Variants in KLF16 observed in about 807,000 individuals in gnomAD.
KLF16 encodes KLF transcription factor 16.
Under a neutral mutation model 6.1 loss-of-function variants are expected in KLF16, and 6 were observed. The observed-to-expected ratio is 0.98, with a 90% CI of 0.54 to 1.93. KLF16 has a LOEUF of 1.93. KLF16 is among the 30% of genes most tolerant of loss of function. The pLI, the probability that KLF16 is intolerant of heterozygous loss-of-function variation, is 0.01. For missense variants in KLF16, 355 were observed against 363.8 expected, an observed-to-expected ratio of 0.98 and a Z score of 0.20; for synonymous variants, 211 against 176.5, an observed-to-expected ratio of 1.20 and a Z score of -1.55.
In KLF16 at chr19:1,857,342, G is replaced by A. The variant is rs1175654095; in HGVS notation, c.458-2582C>T. Among the ~76,000 whole-genome samples, 2 of 152,254 alleles carry A rather than the reference G, an allele frequency of 1.3e-5. No homozygotes were observed. Among genetic ancestry groups the A allele is most frequent in the Admixed American group, 1.3e-4 (2 of 15,288 alleles). ...TGCTCCTAGCCAGCCGGGCCCCCAGGTGCACAGCCACCCAGCTGCTCCGCG... is the reference window on the plus strand; with the variant it reads ...TGCTCCTAGCCAGCCGGGCCCCCAGATGCACAGCCACCCAGCTGCTCCGCG... On this transcript the variant is annotated intron_variant, in intron 1 of 1. Coordinates refer to ENST00000250916, the MANE Select transcript of KLF16 (RefSeq NM_031918.4). The surrounding 1 kb of genome is among the most constrained non-coding windows in gnomAD (Gnocchi z 4.7).
chr19:1,866,116 C>T (rs12974458), upstream of KLF16, among the ~76,000 whole-genome samples: 59,799 of 151,490 alleles, frequency 0.39, 13,931 homozygotes, highest in Non-Finnish European at 0.54. Context: ...CTAGCCTGGC[C>T]AATGTGGTGA....
At position 1,854,127 on chromosome 19, in the gene KLF16, A is replaced by C. The variant is rs1599190623; in HGVS notation, c.*332T>G. The C allele has an allele frequency of 3.6e-6, 1 of 276,284 alleles. No individual in the cohort carries two copies. The highest frequency in any genetic ancestry group is 6.7e-6 in the Non-Finnish European group (1 of 149,302). 17.1% of individuals were successfully genotyped at this position (276,284 alleles called of 1,614,324 possible). A position where few individuals can be genotyped will look rare whatever the true frequency, so the allele number is the denominator to read the frequency against. On this transcript the variant is annotated 3_prime_UTR_variant, in exon 2 of 2. Coordinates refer to ENST00000250916, the MANE Select transcript of KLF16 (RefSeq NM_031918.4). ...CCAGAAGTCCACTCCACCCCCCCAAACCCCACCCCGGGAGGGGGGCAGCAG... is the reference window on the plus strand; with the variant it reads ...CCAGAAGTCCACTCCACCCCCCCAACCCCCACCCCGGGAGGGGGGCAGCAG...
chr19:1,854,887 T>A, intron 1 of KLF16, 127 bp from the exon 2 acceptor site: 1 of 1,001,252 alleles, frequency 1.0e-6, no homozygotes, highest in Non-Finnish European at 1.5e-6. Flanking sequence ...AGCTCTGGTG[T>A]GAGTTCAAAA....
intron 1 of KLF16, among the ~76,000 whole-genome samples, chr19:1,862,553 G>A (rs1169111788): frequency 9.2e-5 from 14 of 152,004 alleles, no homozygotes; most frequent in Non-Finnish European, 2.1e-4. Flanking sequence ...CAGGTGCTCT[G>A]CCGACCTCTG....
chr19:1,869,431 G>A, the KLF16 span, among the ~76,000 whole-genome samples: 1 of 152,096 alleles, frequency 6.6e-6, no homozygotes, highest in Non-Finnish European at 1.5e-5. Context: ...AGTGAACCAA[G>A]ATCACACCAC....
At chr19:1,870,995 C>CA in the KLF16 span, among the ~76,000 whole-genome samples, 25 of 151,040 alleles carry the variant, frequency 1.7e-4, no homozygotes, top group East Asian at 7.7e-4. Flanking sequence ...GACTCTGTCT[C>CA]AAAAAAAAGA....
chr19:1,876,377 GCCA>G, the KLF16 span, among the ~76,000 whole-genome samples: 1 of 152,242 alleles, frequency 6.6e-6, no homozygotes, highest in East Asian at 1.9e-4. Context: ...TGGACAACAG[GCCA>G]CCGGTTCCCG....
rs568494545 is a variant in KLF16 at position 1,859,225 on chromosome 19, G to C, written c.457+3816C>G. Among the ~76,000 whole-genome samples, 5 of 152,182 alleles carry C rather than the reference G, an allele frequency of 3.3e-5. No homozygotes were observed. The East Asian group carries it at 9.7e-4, about 29-fold the overall frequency. On this transcript the variant is annotated intron_variant, in intron 1 of 1. Coordinates refer to ENST00000250916, the MANE Select transcript of KLF16 (RefSeq NM_031918.4). ...CTGGGGGTGGAGGAGAGAATGAAGT[G>C]GGGCATGGCTGCTTCCCCCTCTGGG...
chr19:1,864,007 C>A (rs2012136407), upstream of KLF16, among the ~76,000 whole-genome samples: 1 of 145,060 alleles, frequency 6.9e-6, no homozygotes, highest in Non-Finnish European at 1.5e-5. Context: ...AGGCCGAGGA[C>A]CCCGCCCCCT....
At chr19:1,864,216 C>T (rs1227337535), upstream of KLF16, among the ~76,000 whole-genome samples, 4 of 151,710 alleles carry the variant, frequency 2.6e-5, no homozygotes, top group Non-Finnish European at 4.4e-5. Context: ...GGCTCCGATC[C>T]CCACGTGGCC....
chr19:1,856,127 G>A (rs566353623), intron 1 of KLF16, among the ~76,000 whole-genome samples: 3 of 152,152 alleles, frequency 2.0e-5, no homozygotes, highest in Non-Finnish European at 2.9e-5. Flanking sequence ...ATGAAGAACT[G>A]CAGCCAGCCA....
the KLF16 span, among the ~76,000 whole-genome samples, chr19:1,874,705 C>T: frequency 1.7e-5 from 2 of 117,496 alleles, no homozygotes; most frequent in East Asian, 5.3e-4. Flanking sequence ...ACTTCCGGGT[C>T]AGCCGAGAAA....
At chr19:1,863,770 A>G (rs1356241987), upstream of KLF16, among the ~76,000 whole-genome samples, 24 of 109,966 alleles carry the variant, frequency 2.2e-4, no homozygotes, top group African/African-American at 7.5e-4. Flanking sequence ...GCCCTCCACC[A>G]CTCTCCGAGC....
At chr19:1,860,512 C>G (rs1418072412) in intron 1 of KLF16, 1 of 152,254 alleles carries the variant, frequency 6.6e-6, no homozygotes, top group African/African-American at 2.4e-5. Flanking sequence ...GACTGGTGTT[C>G]CCTTTACAGA....
chr19:1,870,028 G>A, the KLF16 span, among the ~76,000 whole-genome samples: 1 of 149,104 alleles, frequency 6.7e-6, no homozygotes, highest in Non-Finnish European at 1.5e-5. Context: ...TGACTCTCTG[G>A]TTCAAGTGAT....
chr19:1,872,711 GGAGACGCC>G, the KLF16 span, among the ~76,000 whole-genome samples: 1 of 152,050 alleles, frequency 6.6e-6, no homozygotes, highest in African/African-American at 2.4e-5. Flanking sequence ...GTCGTGGCTG[GGAGACGCC>G]GAGTGCCGAG....
rs2011978210 is a variant in KLF16 at position 1,857,475 on chromosome 19, C to G, written c.458-2715G>C. ...CTTGACCCTCTGACTCAGGCTGGGCCCGGGTGAGCTCAGGACAGCCTCGGA... is the reference window on the plus strand; with the variant it reads ...CTTGACCCTCTGACTCAGGCTGGGCGCGGGTGAGCTCAGGACAGCCTCGGA... On this transcript the variant is annotated intron_variant, in intron 1 of 1. Coordinates refer to ENST00000250916, the MANE Select transcript of KLF16 (RefSeq NM_031918.4). The surrounding 1 kb of genome is among the most constrained non-coding windows in gnomAD (Gnocchi z 4.7). 6.6e-6 allele frequency among the ~76,000 whole-genome samples: 1 copy of G among 152,170 alleles called. No homozygotes were observed. The highest frequency in any genetic ancestry group is 1.5e-5 in the Non-Finnish European group (1 of 68,010).
At chr19:1,867,020 T>G (rs1464280000), upstream of KLF16, among the ~76,000 whole-genome samples, 1 of 152,234 alleles carries the variant, frequency 6.6e-6, no homozygotes, top group East Asian at 1.9e-4. Context: ...GCCCCAAAGA[T>G]GGACCTCCCA....
rs968717110 is a variant in KLF16 at position 1,857,962 on chromosome 19, G to A, written c.458-3202C>T. Among the ~76,000 whole-genome samples, 3 of 152,008 alleles carry A rather than the reference G, an allele frequency of 2.0e-5. No homozygotes were observed. Among genetic ancestry groups the A allele is most frequent in the Non-Finnish European group, 2.9e-5 (2 of 67,964 alleles). Reference sequence around the variant, plus strand: ...GGTGAGGCCCTGCCAGCCTGGGGGTGGGGTCTCGAATACTACTGGGCCATA... The same window carrying A: ...GGTGAGGCCCTGCCAGCCTGGGGGTAGGGTCTCGAATACTACTGGGCCATA... On this transcript the variant is annotated intron_variant, in intron 1 of 1. Coordinates refer to ENST00000250916, the MANE Select transcript of KLF16 (RefSeq NM_031918.4). The surrounding 1 kb of genome is among the most constrained non-coding windows in gnomAD (Gnocchi z 4.7).
Sources: allele counts gnomAD v4.1 joint callset (sites outside exome capture counted in the v4.1 genomes callset), GRCh38; gene constraint gnomAD v4.1.1; non-coding constraint Gnocchi (gnomAD v3.1); transcripts MANE v1.5; gene names NCBI Gene and HGNC (gene_info 2026-07-23, HGNC 2026-07-21).